Variants in DYRK1A observed in about 807,000 individuals in gnomAD.
The protein encoded by DYRK1A is dual specificity tyrosine-phosphorylation-regulated kinase 1A.
Under a neutral mutation model 79.7 loss-of-function variants are expected in DYRK1A, and 9 were observed. The observed-to-expected ratio is 0.11, with a 90% confidence interval of 0.07 to 0.20. DYRK1A has a LOEUF of 0.20. Ranked by LOEUF, DYRK1A falls within the 10% of genes least tolerant of loss-of-function variation. The probability of loss-of-function intolerance (pLI) is 1.00; values close to 1 mark genes in which losing one functional copy is unlikely to be tolerated. For synonymous variants in DYRK1A, 349 were observed against 329.7 expected (o/e 1.06, Z -0.63); for missense variants, 622 against 956.0 (o/e 0.65, Z 4.61).
In DYRK1A at chr21:37,524,604, A is replaced by G. The variant is rs921760456; in HGVS notation, c.*12073A>G. 4 of 152,222 alleles carry G rather than the reference A, an allele frequency of 2.6e-5. No individual in the cohort carries two copies. Among genetic ancestry groups the G allele is most frequent in the Non-Finnish European group, 4.4e-5 (3 of 68,038 alleles). The allele number at this position is 152,222 out of a possible 1,614,324, so 9.4% of individuals were successfully genotyped here. A position where few individuals can be genotyped will look rare whatever the true frequency, so the allele number is the denominator to read the frequency against. On this transcript the variant is annotated 3_prime_UTR_variant, in exon 12 of 12. Transcript: ENST00000647188. ...GTTGCTCAAAGAGTTGACATTAGGAATGACATCAGTAGTCGACTAAAAAGG... is the reference window on the plus strand; with the variant it reads ...GTTGCTCAAAGAGTTGACATTAGGAGTGACATCAGTAGTCGACTAAAAAGG...
rs148727600 is a variant in DYRK1A, at chr21:37,385,267, C to G, written c.-77+17639C>G. On this transcript the variant is annotated intron_variant, in intron 1 of 11. Coordinates refer to ENST00000647188, the MANE Select transcript of DYRK1A (RefSeq NM_001347721.2). ...ATCTCAGTTTCTGTGGGTCAGATGT[C>G]TGAGCACAGTTTAGCTGAGTCCACT... Among the ~76,000 whole-genome samples, 298 of 152,262 alleles carry G rather than the reference C, an allele frequency of 2.0e-3. 2 individuals carry two copies. Among genetic ancestry groups the G allele is most frequent in the African/African-American group, 6.9e-3 (286 of 41,562 alleles).
In DYRK1A at chr21:37,525,496, A is replaced by C. The variant is rs2053961976; in HGVS notation, c.*12965A>C. The stretch of plus-strand genomic sequence containing the variant: ...TGGGTCCTACCCATGACACGTGGGG[A>C]TTATGGGGGCTACAATTCAATGAGA... On this transcript the variant is annotated 3_prime_UTR_variant, in exon 12 of 12. Transcript: ENST00000647188. 6.6e-6 allele frequency: 1 copy of C among 152,168 alleles called. No individual in the cohort carries two copies. Among genetic ancestry groups the C allele is most frequent in the South Asian group, 2.1e-4 (1 of 4,828 alleles). The allele number at this position is 152,168 out of a possible 1,614,324, so 9.4% of individuals were successfully genotyped here.
upstream of DYRK1A, among the ~76,000 whole-genome samples, chr21:37,366,407 C>CGCGGGGCGGG (rs916663074): frequency 5.5e-5 from 8 of 145,664 alleles, no homozygotes; most frequent in Non-Finnish European, 1.1e-4. Context: ...TCGGCGCGGG[C>CGCGGGGCGGG]GCGGGGCGGG....
Position 37,516,520 on chromosome 21 carries a change from C to G in DYRK1A, c.*3989C>G, listed in dbSNP as rs1239439996. ...CTAAGAAGATAGCTTATTTGTTATC[C>G]TCCCTTTTAATGACTAACCTTAATC... On this transcript the variant is annotated 3_prime_UTR_variant, in exon 12 of 12. Transcript: ENST00000647188. 1 of 152,156 alleles carries G rather than the reference C, an allele frequency of 6.6e-6. No homozygotes were observed. Among genetic ancestry groups the G allele is most frequent in the Non-Finnish European group, 1.5e-5 (1 of 68,022 alleles). 9.4% of individuals were successfully genotyped at this position (152,156 alleles called of 1,614,324 possible). A position where few individuals can be genotyped will look rare whatever the true frequency, so the allele number is the denominator to read the frequency against.
At chr21:37,368,980 A>G (rs1238745975) in intron 1 of DYRK1A, among the ~76,000 whole-genome samples, 2 of 152,186 alleles carry the variant, frequency 1.3e-5, no homozygotes, top group East Asian at 3.8e-4. Flanking sequence ...CCCCCCCAAG[A>G]AAACTATGTA....
At chr21:37,475,400 C>G (rs1359117725) in intron 3 of DYRK1A, among the ~76,000 whole-genome samples, 1 of 152,182 alleles carries the variant, frequency 6.6e-6, no homozygotes, top group Non-Finnish European at 1.5e-5. Context: ...GAGAAAGTGT[C>G]AGATGCTTAG....
upstream of DYRK1A, chr21:37,366,049 C>G (rs2049295347): frequency 6.6e-6 from 1 of 151,912 alleles, no homozygotes; most frequent in African/African-American, 2.4e-5. Flanking sequence ...GTGGCTCCTC[C>G]CCGCCCCCAC....
In DYRK1A at chr21:37,524,446, T is replaced by G. The variant is rs2053955277; in HGVS notation, c.*11915T>G. The G allele has an allele frequency of 6.6e-6, 1 of 152,234 alleles. No individual in the cohort carries two copies. Among genetic ancestry groups the G allele is most frequent in the African/African-American group, 2.4e-5 (1 of 41,456 alleles). The allele number at this position is 152,234 out of a possible 1,614,324, so 9.4% of individuals were successfully genotyped here. A position where few individuals can be genotyped will look rare whatever the true frequency, so the allele number is the denominator to read the frequency against. ...AAATGAAGCTACAACCAAAGTAAGT[T>G]TCAGATGGCTCATTTGTTAGCCAAG... is the stretch of plus-strand genomic sequence containing the variant. On this transcript the variant is annotated 3_prime_UTR_variant, in exon 12 of 12. Transcript: ENST00000647188.
intron 5 of DYRK1A, among the ~76,000 whole-genome samples, chr21:37,484,928 C>A (rs1329527447): frequency 6.6e-6 from 1 of 152,174 alleles, no homozygotes; most frequent in Non-Finnish European, 1.5e-5. Context: ...TCCTGTCCCT[C>A]ACCAGAATAG....
chr21:37,471,166 T>A (rs530396995), intron 2 of DYRK1A, among the ~76,000 whole-genome samples: 27 of 152,260 alleles, frequency 1.8e-4, no homozygotes, highest in African/African-American at 6.3e-4. Context: ...AGACAGCTAT[T>A]AGGAATCTGT....
chr21:37,395,791 T>G (rs1417004404), intron 1 of DYRK1A, among the ~76,000 whole-genome samples: 3 of 152,188 alleles, frequency 2.0e-5, no homozygotes, highest in Non-Finnish European at 2.9e-5. Flanking sequence ...GTGGAAACAT[T>G]TACTCTGTGA....
chr21:37,481,652 T>G (rs1222944380), intron 5 of DYRK1A: 1 of 152,222 alleles, frequency 6.6e-6, no homozygotes, highest in Non-Finnish European at 1.5e-5. Context: ...CACCTTGGCC[T>G]CCCAAAGTGC....
intron 5 of DYRK1A, among the ~76,000 whole-genome samples, chr21:37,483,862 C>A (rs1181509027): frequency 6.6e-6 from 1 of 152,100 alleles, no homozygotes; most frequent in East Asian, 1.9e-4. Flanking sequence ...AGATTATAGG[C>A]CTGAGCCACC....
At chr21:37,452,141 CTT>C (rs781577683) in intron 2 of DYRK1A, among the ~76,000 whole-genome samples, 9 of 140,910 alleles carry the variant, frequency 6.4e-5, no homozygotes, top group Admixed American at 7.1e-5. Context: ...TGATTTTGAG[CTT>C]TTTTTTTTTT....
At position 37,472,119 on chromosome 21, in the gene DYRK1A, A is replaced by C. The variant is rs79139243; in HGVS notation, c.11-565A>C. On this transcript the variant is annotated intron_variant, in intron 2 of 11. Transcript: ENST00000647188. Reference sequence around the variant, plus strand: ...TGTTTGAAAGGTGCAGAGAAATCCAACGACCTTGGGTTGAGAAGTTTAGTT... The same window carrying C: ...TGTTTGAAAGGTGCAGAGAAATCCACCGACCTTGGGTTGAGAAGTTTAGTT... Among the ~76,000 whole-genome samples the C allele has an allele frequency of 1.1e-3, 163 of 152,196 alleles. 3 individuals are homozygous for C. The East Asian group carries it at 0.03, about 28-fold the overall frequency.
chr21:37,438,274 T>G (rs1454571432), intron 2 of DYRK1A, among the ~76,000 whole-genome samples: 2 of 152,312 alleles, frequency 1.3e-5, no homozygotes, highest in East Asian at 3.9e-4. Flanking sequence ...TGTCTTTTTA[T>G]TCTCTTTAAA....
At chr21:37,429,150 A>T (rs1312335149) in intron 2 of DYRK1A, among the ~76,000 whole-genome samples, 4 of 152,218 alleles carry the variant, frequency 2.6e-5, no homozygotes, top group African/African-American at 9.6e-5. Context: ...GGAATCAGAT[A>T]CTCAAAAAGA....
chr21:37,492,451 A>T (rs928913174), intron 7 of DYRK1A, among the ~76,000 whole-genome samples: 2 of 152,248 alleles, frequency 1.3e-5, no homozygotes, highest in African/African-American at 2.4e-5. Context: ...TAGAGAGAGA[A>T]GATGAGAGAA....
At position 37,525,749 on chromosome 21, in the gene DYRK1A, G is replaced by C. The variant is rs1027488051; in HGVS notation, c.*13218G>C. 1 of 152,178 alleles carries C rather than the reference G, an allele frequency of 6.6e-6. No homozygotes were observed. Among genetic ancestry groups the C allele is most frequent in the Non-Finnish European group, 1.5e-5 (1 of 68,036 alleles). The allele number at this position is 152,178 out of a possible 1,614,324, so 9.4% of individuals were successfully genotyped here. A position where few individuals can be genotyped will look rare whatever the true frequency, so the allele number is the denominator to read the frequency against. ...GCTCTTGTGGACTTCACTATCAACA[G>C]CTCTCATGAATTTTTGTCAGAAATA... On this transcript the variant is annotated 3_prime_UTR_variant, in exon 12 of 12. Coordinates refer to ENST00000647188, the MANE Select transcript of DYRK1A (RefSeq NM_001347721.2).
Sources: gnomAD v4.1 joint callset for allele counts (sites outside exome capture counted in the v4.1 genomes callset) on GRCh38, gnomAD v4.1.1 for gene constraint, MANE v1.5 for transcripts, NCBI Gene and HGNC (gene_info 2026-07-23, HGNC 2026-07-21) for gene names.